Variants in GIPC2 observed in about 807,000 individuals in gnomAD.
The protein encoded by GIPC2 is PDZ domain-containing protein GIPC2.
In GIPC2, 30 loss-of-function variants were observed where a neutral mutation model predicts 30.6. That is an observed-to-expected ratio of 0.98 (90% CI 0.73 to 1.33). The LOEUF (loss-of-function observed/expected upper bound fraction) is 1.33. GIPC2 is among the 40% of genes most tolerant of loss of function. GIPC2 has a pLI of 0.00. For missense variants in GIPC2, 414 were observed against 390.3 expected, an observed-to-expected ratio of 1.06 and a Z score of -0.51; for synonymous variants, 167 against 150.0, an observed-to-expected ratio of 1.11 and a Z score of -0.83.
chr1:78,134,286 C>T (rs187715957), intron 5 of GIPC2, among the ~76,000 whole-genome samples: 84 of 152,034 alleles, frequency 5.5e-4, no homozygotes, highest in Admixed American at 5.5e-3. Flanking sequence ...CCTTTTCTGG[C>T]AGTGACAAAC....
intron 3 of GIPC2, among the ~76,000 whole-genome samples, chr1:78,095,521 A>T (rs1224627615): frequency 1.3e-5 from 2 of 152,220 alleles, no homozygotes; most frequent in Non-Finnish European, 2.9e-5. Flanking sequence ...AGCAAAAATT[A>T]TAGTTATATA....
intron 1 of GIPC2, among the ~76,000 whole-genome samples, chr1:78,073,302 C>A (rs1661658238): frequency 1.3e-5 from 2 of 152,054 alleles, no homozygotes; most frequent in Admixed American, 6.5e-5. Context: ...CGGGGTTTCA[C>A]CATGTTGGCC....
At chr1:78,104,175 AG>A (rs1376745986) in intron 3 of GIPC2, among the ~76,000 whole-genome samples, 1 of 117,534 alleles carries the variant, frequency 8.5e-6, no homozygotes, top group East Asian at 2.1e-4. Flanking sequence ...TGGTGTGTAG[AG>A]GGGGGAGAGG....
chr1:78,061,308 G>A (rs1250142980), intron 1 of GIPC2, among the ~76,000 whole-genome samples: 4 of 152,112 alleles, frequency 2.6e-5, no homozygotes, highest in Non-Finnish European at 5.9e-5. Context: ...GCCAATTGAA[G>A]GTGGACGGCT....
In GIPC2 at chr1:78,099,564, G is replaced by A. The variant is rs1041889786; in HGVS notation, c.607+4432G>A. Among the ~76,000 whole-genome samples the A allele has an allele frequency of 1.5e-4, 22 of 151,204 alleles. 1 individual carries two copies. The highest frequency in any genetic ancestry group is 5.1e-4 in the African/African-American group (21 of 41,124). On this transcript the variant is annotated intron_variant, in intron 3 of 5. Transcript: ENST00000370759. ...AGCGATTCTCCTGCCTCAGCCTCCC[G>A]AGTAGCTGGGACTACAGGCACGTGC...
intron 2 of GIPC2, among the ~76,000 whole-genome samples, chr1:78,084,385 C>G (rs1040013875): frequency 3.3e-5 from 5 of 151,852 alleles, no homozygotes; most frequent in Non-Finnish European, 5.9e-5. Flanking sequence ...GTGGTGCACA[C>G]CTGTAATTCC....
At chr1:78,045,390 A>C (rs951660024), upstream of GIPC2, among the ~76,000 whole-genome samples, 2 of 152,194 alleles carry the variant, frequency 1.3e-5, no homozygotes, top group African/African-American at 4.8e-5. Context: ...TTTTCTTTGT[A>C]CTATATGAGG....
intron 1 of GIPC2, among the ~76,000 whole-genome samples, chr1:78,057,777 A>T (rs891775898): frequency 6.6e-6 from 1 of 152,202 alleles, no homozygotes; most frequent in African/African-American, 2.4e-5. Flanking sequence ...CACTGCCCCA[A>T]ATGTTGGGAT....
intron 2 of GIPC2, among the ~76,000 whole-genome samples, chr1:78,092,405 C>T (rs1259272662): frequency 6.6e-6 from 1 of 152,128 alleles, no homozygotes; most frequent in Admixed American, 6.5e-5. Flanking sequence ...CCTTTTGCAC[C>T]ATCAAGCTTC....
chr1:78,087,409 A>G (rs1024142376), intron 2 of GIPC2, among the ~76,000 whole-genome samples: 1 of 152,164 alleles, frequency 6.6e-6, no homozygotes, highest in Non-Finnish European at 1.5e-5. Flanking sequence ...ACATAGACCA[A>G]TGGAACAGAA....
chr1:78,078,005 G>A (rs1661747838), intron 1 of GIPC2, among the ~76,000 whole-genome samples: 1 of 151,372 alleles, frequency 6.6e-6, no homozygotes, highest in African/African-American at 2.4e-5. Flanking sequence ...CGGCTAAAAC[G>A]GTGAAACCCC....
intron 2 of GIPC2, chr1:78,091,500 T>C: frequency 1.4e-6 from 1 of 715,110 alleles, no homozygotes; most frequent in South Asian, 1.5e-5. Flanking sequence ...GCTGCGCTAA[T>C]GGCTCCCAAA....
rs193163790 is a variant in GIPC2 at position 78,124,877 on chromosome 1, C to T, written c.715-1004C>T. 2.1e-3 allele frequency among the ~76,000 whole-genome samples: 315 copies of T among 152,182 alleles called. 1 individual carries two copies. The highest frequency in any genetic ancestry group is 7.3e-3 in the African/African-American group (303 of 41,524). On this transcript the variant is annotated intron_variant, in intron 4 of 5. Coordinates refer to ENST00000370759, the MANE Select transcript of GIPC2 (RefSeq NM_017655.6). ...ACAAAAAATTAGCTGGGCATGGTGG[C>T]GCACGCCTGTAATCCCAGCTACTTG...
chr1:78,058,160 G>A (rs143728545), intron 1 of GIPC2, among the ~76,000 whole-genome samples: 2 of 152,172 alleles, frequency 1.3e-5, no homozygotes, highest in African/African-American at 2.4e-5. Context: ...TAGGAGTGCC[G>A]CTTACTATCT....
intron 2 of GIPC2, among the ~76,000 whole-genome samples, chr1:78,084,593 C>T (rs1661893305): frequency 6.6e-6 from 1 of 151,982 alleles, no homozygotes. Context: ...TTGGCTTCCC[C>T]ATCAAAATTT....
At chr1:78,085,590 G>T in intron 2 of GIPC2, among the ~76,000 whole-genome samples, 1 of 147,812 alleles carries the variant, frequency 6.8e-6, no homozygotes, top group African/African-American at 2.5e-5. Context: ...ATTTATTACT[G>T]CTTCAATTTC....
chr1:78,120,177 A>G (rs1571523605), intron 4 of GIPC2, among the ~76,000 whole-genome samples: 1 of 152,216 alleles, frequency 6.6e-6, no homozygotes, highest in Non-Finnish European at 1.5e-5. Context: ...GACACTCAGA[A>G]TAAAACCTAA....
intron 1 of GIPC2, among the ~76,000 whole-genome samples, chr1:78,062,439 T>C (rs546255830): frequency 3.4e-4 from 52 of 152,044 alleles, no homozygotes; most frequent in African/African-American, 1.1e-3. Context: ...TATGTAAAAG[T>C]GGGTGGAGGA....
intron 5 of GIPC2, among the ~76,000 whole-genome samples, chr1:78,129,007 A>AAAAAAAAT (rs1662838472): frequency 7.0e-6 from 1 of 142,624 alleles, no homozygotes; most frequent in Non-Finnish European, 1.5e-5. Flanking sequence ...CCTGTCTCTA[A>AAAAAAAAT]AAATAAATAA....
Sources: gnomAD v4.1 joint callset for allele counts (sites outside exome capture counted in the v4.1 genomes callset) on GRCh38, gnomAD v4.1.1 for gene constraint, MANE v1.5 for transcripts, NCBI Gene and HGNC (gene_info 2026-07-23, HGNC 2026-07-21) for gene names.